Variants in PTBP1 observed in about 807,000 individuals in gnomAD.
PTBP1 encodes polypyrimidine tract-binding protein 1.
Under a neutral mutation model 59.8 loss-of-function variants are expected in PTBP1, and 8 were observed. The observed-to-expected ratio is 0.13, with a 90% confidence interval of 0.08 to 0.24. PTBP1 has a LOEUF of 0.24. Ranked by LOEUF, PTBP1 falls within the 10% of genes least tolerant of loss-of-function variation. The probability of loss-of-function intolerance (pLI) is 1.00; values close to 1 mark genes in which losing one functional copy is unlikely to be tolerated. For synonymous variants in PTBP1, 490 were observed against 320.7 expected (o/e 1.53, Z -5.64); for missense variants, 686 against 767.0 (o/e 0.89, Z 1.25).
chr19:807,488 G>C (rs988256583), intron 10 of PTBP1: 2 of 238,180 alleles, frequency 8.4e-6, no homozygotes, highest in African/African-American at 4.6e-5. Context: ...GTGACTGATA[G>C]AACACTACCT....
At position 805,040 on chromosome 19, in the gene PTBP1, G is replaced by A; in HGVS notation, c.745G>A (p.Ala249Thr). The A allele has an allele frequency of 6.2e-7, 1 of 1,613,720 alleles. No homozygotes were observed. The highest frequency in any genetic ancestry group is 8.5e-7 in the Non-Finnish European group (1 of 1,179,850). The change falls in exon 8 of 15, where the codon GCC (alanine) becomes ACC (threonine). Residue 249 changes from alanine (A) to threonine (T), a missense_variant. Transcript: ENST00000356948. ...GCTGGACGGGCAGAACATCTACAACGCCTGCTGCACGCTGCGCATCGACTT... is the reference window on the plus strand; with the variant it reads ...GCTGGACGGGCAGAACATCTACAACACCTGCTGCACGCTGCGCATCGACTT... ...LSLDGQNIYN[A>T]CCTLRIDFSK...
rs1006368423 is a variant in PTBP1 at position 806,333 on chromosome 19, C to A, written c.971-75C>A. 97 of 1,459,064 alleles carry A rather than the reference C, an allele frequency of 6.6e-5. 1 individual carries two copies. The South Asian group carries it at 1.3e-3, about 19-fold the overall frequency. 90.4% of individuals were successfully genotyped at this position (1,459,064 alleles called of 1,614,324 possible). ...GGCTCGGCTCCTCGGTGCATGAGGA[C>A]GGGGAGCGTCGGCCTCTCCCACTCT... is the stretch of plus-strand genomic sequence containing the variant. On this transcript the variant is annotated intron_variant, in intron 9 of 14. Coordinates refer to ENST00000356948, the MANE Select transcript of PTBP1 (RefSeq NM_002819.5).
Position 804,949 on chromosome 19 carries a change from G to T in PTBP1, c.717+10G>T, listed in dbSNP as rs773676198. 15 of 1,613,130 alleles carry T rather than the reference G, an allele frequency of 9.3e-6. No individual in the cohort carries two copies. Among genetic ancestry groups the T allele is most frequent in the Non-Finnish European group, 1.3e-5 (15 of 1,179,426 alleles). On this transcript the variant is annotated intron_variant, in intron 7 of 14. Transcript: ENST00000356948. ...CCAGCACGCCAAGCTGGTGAGTGGG[G>T]CTCCCGGGACGGCGCCCGCCCTGGC...
rs1254451228 is a variant in PTBP1, at chr19:811,922, T to A, written c.*1096T>A. 7.9e-6 allele frequency: 1 copy of A among 127,386 alleles called. No individual in the cohort carries two copies. Among genetic ancestry groups the A allele is most frequent in the Non-Finnish European group, 1.8e-5 (1 of 55,394 alleles). The allele number at this position is 127,386 out of a possible 1,614,324, so 7.9% of individuals were successfully genotyped here. On this transcript the variant is annotated 3_prime_UTR_variant, in exon 15 of 15. Coordinates refer to ENST00000356948, the MANE Select transcript of PTBP1 (RefSeq NM_002819.5). Reference sequence around the variant, plus strand: ...CTGGGACCCGGAAGGCGGGCGCTCCTCCTGTCTTCTCTGTGCTCTTTCTAC... The same window carrying A: ...CTGGGACCCGGAAGGCGGGCGCTCCACCTGTCTTCTCTGTGCTCTTTCTAC...
intron 3 of PTBP1, 104 bp downstream of exon 3, chr19:803,740 G>A: frequency 9.2e-7 from 1 of 1,084,506 alleles, no homozygotes; most frequent in Non-Finnish European, 1.4e-6. Flanking sequence ...AACTGCAGGG[G>A]CCCATGGTCC....
intron 8 of PTBP1, 142 bp from the exon 9 acceptor site, chr19:805,350 C>A: frequency 8.4e-7 from 1 of 1,186,890 alleles, no homozygotes; most frequent in Non-Finnish European, 1.2e-6. Context: ...GTCGGGACCA[C>A]GGCCCCCCCT....
In PTBP1 at chr19:808,874, A is replaced by G. The variant is rs1471344009; in HGVS notation, c.1463+112A>G. 9.8e-7 allele frequency: 1 copy of G among 1,021,280 alleles called. No individual in the cohort carries two copies. Among genetic ancestry groups the G allele is most frequent in the African/African-American group, 1.6e-5 (1 of 62,412 alleles). The allele number at this position is 1,021,280 out of a possible 1,614,324, so 63.3% of individuals were successfully genotyped here. Reference sequence around the variant, plus strand: ...GGCGTTTCCAGAGTGCAGGTCGGGCACCTCTTACCCCAAACCTGAAGTACT... The same window carrying G: ...GGCGTTTCCAGAGTGCAGGTCGGGCGCCTCTTACCCCAAACCTGAAGTACT... On this transcript the variant is annotated intron_variant, in intron 13 of 14. Coordinates refer to ENST00000356948, the MANE Select transcript of PTBP1 (RefSeq NM_002819.5). The surrounding 1 kb of genome is among the most constrained non-coding windows in gnomAD (Gnocchi z 4.7).
rs13169 is a variant in PTBP1 at position 808,586 on chromosome 19, C to T, written c.1287C>T (p.Pro429=). The T allele has an allele frequency of 1.0e-5, 16 of 1,604,552 alleles. No individual in the cohort carries two copies. The highest frequency in any genetic ancestry group is 1.3e-5 in the African/African-American group (1 of 74,598). ...ACGGGCACAAGCTGCACGGGAAGCCCATCCGCATCACGCTCTCGAAGCACC... is the reference window on the plus strand; with the variant it reads ...ACGGGCACAAGCTGCACGGGAAGCCTATCCGCATCACGCTCTCGAAGCACC... The part of the protein sequence containing the change: ...HLNGHKLHGK[P]IRITLSKHQN... Residue 429 remains proline, a synonymous_variant, in exon 13 of 15, where the codon CCC becomes CCT. Transcript: ENST00000356948. The surrounding 1 kb of genome is among the most constrained non-coding windows in gnomAD (Gnocchi z 4.7).
intron 1 of PTBP1, chr19:798,499 G>A (rs2034182145): frequency 6.6e-6 from 1 of 152,294 alleles, no homozygotes. Context: ...GTCAGAAGAG[G>A]CGCAGCCCTA....
chr19:805,252 C>T (rs554459573), intron 8 of PTBP1, 65 bp downstream of exon 8: 64 of 1,566,812 alleles, frequency 4.1e-5, no homozygotes, highest in South Asian at 1.4e-4. Context: ...CAGTCCGGAG[C>T]CCCGGCGGCA....
rs547286267 is a variant in PTBP1, at chr19:804,583, G to T, written c.487G>T (p.Ala163Ser). ...AVNSVQSGNL[A>S]LAASAAAVDA... ...GAACTCGGTCCAGTCGGGGAACCTG[G>T]CCTTGGCTGCCTCGGCGGCGGCCGT... The change falls in exon 6 of 15, where the codon GCC (alanine) becomes TCC (serine). Residue 163 changes from alanine (A) to serine (S), a missense_variant. By Grantham distance (99) the Ala-to-Ser change is moderately conservative. Coordinates refer to ENST00000356948, the MANE Select transcript of PTBP1 (RefSeq NM_002819.5). 47 of 1,610,876 alleles carry T rather than the reference G, an allele frequency of 2.9e-5. No homozygotes were observed. In the South Asian group the frequency reaches 4.3e-4, roughly 15 times the overall value.
chr19:799,386 C>T lies in PTBP1; in HGVS notation c.9-27C>T, dbSNP rs547490830. The T allele has an allele frequency of 6.3e-5, 101 of 1,612,864 alleles. No individual in the cohort carries two copies. In the South Asian group the frequency reaches 1.0e-3, roughly 16 times the overall value. ...TGCTGCTGAGTGGCCACCAGGCTAACGTTGTCTCCTTTCTTTCTCTCTACA... is the reference window on the plus strand; with the variant it reads ...TGCTGCTGAGTGGCCACCAGGCTAATGTTGTCTCCTTTCTTTCTCTCTACA... On this transcript the variant is annotated intron_variant, in intron 1 of 14. Coordinates refer to ENST00000356948, the MANE Select transcript of PTBP1 (RefSeq NM_002819.5).
chr19:798,552 C>T (rs1403510383), intron 1 of PTBP1: 1 of 152,278 alleles, frequency 6.6e-6, no homozygotes, highest in African/African-American at 2.4e-5. Context: ...GCAGGTGGGT[C>T]CTGCAGACGG....
Position 808,367 on chromosome 19 carries a change from C to T in PTBP1, c.1161C>T (p.Tyr387=), listed in dbSNP as rs779085038. 1.1e-5 allele frequency: 18 copies of T among 1,598,758 alleles called. No homozygotes were observed. The highest frequency in any genetic ancestry group is 4.5e-5 in the East Asian group (2 of 44,402). The change falls in exon 12 of 15, where the codon TAC becomes TAT. Residue 387 remains tyrosine (Y), a synonymous_variant. Transcript: ENST00000356948. The surrounding 1 kb of genome is among the most constrained non-coding windows in gnomAD (Gnocchi z 4.7). ...ATCCCTGGGCTTTTGAAGGCGTCTA[C>T]GGTGACGTGCAGCGCGTGAAGATCC... is the stretch of plus-strand genomic sequence containing the variant. ...PQSLFILFGV[Y]GDVQRVKILF...
Position 804,529 on chromosome 19 carries a change from C to A in PTBP1, c.436-3C>A. On this transcript the variant is annotated splice_region_variant and splice_polypyrimidine_tract_variant and intron_variant, in intron 5 of 14. Transcript: ENST00000356948. ...CGGGGACTCACGGCTGTGCCTCCCA[C>A]AGCGGGCCCAGGCGGCCCTGCAGGC... 1.2e-6 allele frequency: 2 copies of A among 1,600,528 alleles called. No individual in the cohort carries two copies. Among genetic ancestry groups the A allele is most frequent in the Non-Finnish European group, 8.5e-7 (1 of 1,175,978 alleles).
rs749856235 is a variant in PTBP1, at chr19:808,768, T to G, written c.1463+6T>G. On this transcript the variant is annotated splice_donor_region_variant and intron_variant, in intron 13 of 14. Coordinates refer to ENST00000356948, the MANE Select transcript of PTBP1 (RefSeq NM_002819.5). The surrounding 1 kb of genome is among the most constrained non-coding windows in gnomAD (Gnocchi z 4.7). The stretch of plus-strand genomic sequence containing the variant: ...CTGCACCTCTCCAACATCCCGTGAG[T>G]GCTGGGCCGGGGGGCTCATGGGGCC... 3.7e-6 allele frequency: 6 copies of G among 1,608,030 alleles called. No homozygotes were observed. Among genetic ancestry groups the G allele is most frequent in the Middle Eastern group, 1.6e-4 (1 of 6,070 alleles).
In PTBP1 at chr19:805,358, C is replaced by T. The variant is rs932804533; in HGVS notation, c.893-134C>T. On this transcript the variant is annotated intron_variant, in intron 8 of 14. Transcript: ENST00000356948. Reference sequence around the variant, plus strand: ...CCCCCACGTCGGGACCACGGCCCCCCCTGGAGCAGCGGATCTGCCCGCGAA... The same window carrying T: ...CCCCCACGTCGGGACCACGGCCCCCTCTGGAGCAGCGGATCTGCCCGCGAA... The T allele has an allele frequency of 3.3e-6, 4 of 1,196,292 alleles. No homozygotes were observed. In the African/African-American group the frequency reaches 4.5e-5, roughly 14 times the overall value. 74.1% of individuals were successfully genotyped at this position (1,196,292 alleles called of 1,614,324 possible).
chr19:799,300 G>T (rs763725211), intron 1 of PTBP1, 113 bp from the exon 2 acceptor site: 1 of 949,636 alleles, frequency 1.1e-6, no homozygotes, highest in African/African-American at 1.6e-5. Context: ...AGGGAGCCCT[G>T]CGGAGGTGGC....
Position 804,622 on chromosome 19 carries a change from G to A in PTBP1, c.526G>A (p.Ala176Thr), listed in dbSNP as rs1183065208. Residue 176 changes from alanine (A) to threonine (T), a missense_variant, in exon 6 of 15, where the codon GCG becomes ACG. Transcript: ENST00000356948. Reference sequence around the variant, plus strand: ...GGCGGCGGCCGTGGACGCAGGGATGGCGATGGCCGGGCAGAGCCCCGTGCT... The same window carrying A: ...GGCGGCGGCCGTGGACGCAGGGATGACGATGGCCGGGCAGAGCCCCGTGCT... ...ASAAAVDAGM[A>T]MAGQSPVLRI... 3.1e-6 allele frequency: 5 copies of A among 1,612,746 alleles called. No individual in the cohort carries two copies. In the South Asian group the frequency reaches 4.4e-5, roughly 14 times the overall value.
Sources: allele counts gnomAD v4.1 joint callset, GRCh38; gene constraint gnomAD v4.1.1; non-coding constraint Gnocchi (gnomAD v3.1); transcripts MANE v1.5; gene names NCBI Gene and HGNC (gene_info 2026-07-23, HGNC 2026-07-21).